RIT2: variants seen among roughly 807,000 people sequenced by gnomAD.
The protein encoded by RIT2 is Ras like without CAAX 2, also known as GTP-binding protein Rit2.
A neutral mutation model predicts 23.7 loss-of-function variants in RIT2; 24 were observed. That is an observed-to-expected ratio of 1.01 (90% confidence interval 0.73 to 1.43). The LOEUF is 1.43. Among genes scored for constraint, RIT2 ranks in the 40% most tolerant of loss-of-function variants. The pLI, the probability that RIT2 is intolerant of heterozygous loss-of-function variation, is 0.00. For synonymous variants in RIT2, 107 were observed against 91.1 expected (o/e 1.17, Z -0.99); for missense variants, 236 against 266.9 (o/e 0.88, Z 0.81).
intron 1 of RIT2, among the ~76,000 whole-genome samples, chr18:43,049,910 A>G (rs1191831214): frequency 7.0e-6 from 1 of 143,570 alleles, no homozygotes; most frequent in East Asian, 2.2e-4. Flanking sequence ...CCAAGGGCCC[A>G]TTGTATCATT....
chr18:43,049,560 C>T (rs1402600401), intron 1 of RIT2, among the ~76,000 whole-genome samples: 1 of 152,096 alleles, frequency 6.6e-6, no homozygotes, highest in Non-Finnish European at 1.5e-5. Flanking sequence ...AAGGTAATTA[C>T]ATCATTGTGC....
At chr18:42,879,195 C>T (rs1907823146) in intron 4 of RIT2, among the ~76,000 whole-genome samples, 1 of 152,096 alleles carries the variant, frequency 6.6e-6, no homozygotes, top group Admixed American at 6.5e-5. Flanking sequence ...ACACTTTCAC[C>T]ATCTTCCTAG....
chr18:42,835,627 T>C (rs1374443631), intron 4 of RIT2, among the ~76,000 whole-genome samples: 1 of 152,138 alleles, frequency 6.6e-6, no homozygotes, highest in East Asian at 1.9e-4. Context: ...CTCAGAATGA[T>C]GATCTTTAAA....
At chr18:43,091,041 A>T (rs1448915390) in intron 1 of RIT2, among the ~76,000 whole-genome samples, 1 of 152,096 alleles carries the variant, frequency 6.6e-6, no homozygotes, top group African/African-American at 2.4e-5. Context: ...TTAAAATAAA[A>T]GTTAATAAGA....
At chr18:43,046,228 C>G (rs889781197) in intron 1 of RIT2, among the ~76,000 whole-genome samples, 1 of 152,142 alleles carries the variant, frequency 6.6e-6, no homozygotes, top group African/African-American at 2.4e-5. Flanking sequence ...TGTATGACAT[C>G]TGTTCAAATG....
chr18:42,797,046 C>T (rs975382749), intron 4 of RIT2, among the ~76,000 whole-genome samples: 1 of 152,104 alleles, frequency 6.6e-6, no homozygotes, highest in Non-Finnish European at 1.5e-5. Context: ...ATAAGAACTT[C>T]ATAAGATTAT....
At chr18:43,079,032 T>C (rs1913092642) in intron 1 of RIT2, among the ~76,000 whole-genome samples, 1 of 152,180 alleles carries the variant, frequency 6.6e-6, no homozygotes, top group African/African-American at 2.4e-5. Context: ...ACTTAGCACT[T>C]TTTTTCTTGG....
intron 3 of RIT2, among the ~76,000 whole-genome samples, chr18:42,969,795 T>C (rs1910320279): frequency 6.6e-6 from 1 of 152,106 alleles, no homozygotes; most frequent in Non-Finnish European, 1.5e-5. Context: ...TCACCTAAAC[T>C]TATAATTATT....
At chr18:43,109,144 T>TA in intron 1 of RIT2, among the ~76,000 whole-genome samples, 1 of 152,236 alleles carries the variant, frequency 6.6e-6, no homozygotes, top group South Asian at 2.1e-4. Context: ...GAGATATTGT[T>TA]ACTGCTTTCT....
intron 3 of RIT2, among the ~76,000 whole-genome samples, chr18:42,954,336 A>G (rs1045686718): frequency 4.8e-5 from 7 of 145,894 alleles, no homozygotes; most frequent in Non-Finnish European, 1.0e-4. Flanking sequence ...AGACTGCTCC[A>G]TTGCACTCCA....
At chr18:42,827,505 T>C (rs1906328499) in intron 4 of RIT2, among the ~76,000 whole-genome samples, 1 of 150,660 alleles carries the variant, frequency 6.6e-6, no homozygotes, top group South Asian at 2.1e-4. Flanking sequence ...ACTGCAAAAA[T>C]AAAATTGAAA....
chr18:42,867,580 G>T (rs1438055361), intron 4 of RIT2, among the ~76,000 whole-genome samples: 1 of 151,520 alleles, frequency 6.6e-6, no homozygotes, highest in Admixed American at 6.6e-5. Context: ...GAGTCCAGGA[G>T]TTGGAGACCA....
intron 4 of RIT2, among the ~76,000 whole-genome samples, chr18:42,870,643 T>A (rs1233657510): frequency 6.6e-6 from 1 of 152,064 alleles, no homozygotes; most frequent in African/African-American, 2.4e-5. Context: ...GAAGATCCCA[T>A]ACATAGGGAA....
intron 4 of RIT2, among the ~76,000 whole-genome samples, chr18:42,856,259 G>T (rs984528867): frequency 3.4e-4 from 52 of 152,206 alleles, no homozygotes; most frequent in African/African-American, 1.2e-3. Flanking sequence ...TTGTTCAGGA[G>T]AGAGTCCTAT....
intron 1 of RIT2, among the ~76,000 whole-genome samples, chr18:43,076,922 T>C (rs138235778): frequency 0.028 from 4,155 of 150,780 alleles, 83 homozygotes; most frequent in Non-Finnish European, 0.041. Context: ...GCTAAAACGG[T>C]GAAACCCCGT....
At chr18:42,830,651 G>T (rs185197834) in intron 4 of RIT2, among the ~76,000 whole-genome samples, 1 of 152,198 alleles carries the variant, frequency 6.6e-6, no homozygotes, top group East Asian at 1.9e-4. Flanking sequence ...CTGAAAACAG[G>T]GCTGCCAAAT....
intron 4 of RIT2, among the ~76,000 whole-genome samples, chr18:42,815,041 G>A (rs915760308): frequency 3.9e-5 from 6 of 152,082 alleles, no homozygotes; most frequent in South Asian, 4.1e-4. Flanking sequence ...GCCCTAGACC[G>A]TTTCTCTGAC....
intron 3 of RIT2, among the ~76,000 whole-genome samples, chr18:42,952,943 G>A (rs1354739537): frequency 6.6e-6 from 1 of 150,402 alleles, no homozygotes; most frequent in Admixed American, 6.6e-5. Flanking sequence ...ATACTCCTGA[G>A]GTGTTTTTTT....
chr18:43,056,936 A>G (rs1912516209), intron 1 of RIT2, among the ~76,000 whole-genome samples: 1 of 151,542 alleles, frequency 6.6e-6, no homozygotes, highest in Non-Finnish European at 1.5e-5. Context: ...ATAAACTTTG[A>G]TTTAATTATA....
Sources: allele counts gnomAD v4.1 joint callset (sites outside exome capture counted in the v4.1 genomes callset), GRCh38; gene constraint gnomAD v4.1.1; transcripts MANE v1.5; gene names NCBI Gene and HGNC (gene_info 2026-07-23, HGNC 2026-07-21).